Variants in GRAMD1A observed in about 807,000 individuals in gnomAD.
GRAMD1A encodes the protein protein Aster-A.
In GRAMD1A, 50 loss-of-function variants were observed where a neutral mutation model predicts 92.0. The observed-to-expected ratio is 0.54, with a 90% CI of 0.43 to 0.69. The LOEUF (loss-of-function observed/expected upper bound fraction) is 0.69. Among genes scored for constraint, GRAMD1A ranks in the 30% least tolerant of loss-of-function variants. GRAMD1A has a pLI of 0.00. For synonymous variants in GRAMD1A, 405 were observed against 403.6 expected (o/e 1.00, Z -0.04); for missense variants, 819 against 978.9 (o/e 0.84, Z 2.18).
intron 10 of GRAMD1A, 57 bp from the exon 11 acceptor site, chr19:35,015,767 C>T (rs1302844169): frequency 3.2e-6 from 5 of 1,559,254 alleles, no homozygotes; most frequent in South Asian, 2.4e-5. Context: ...AGGCGTGGCC[C>T]GCAGAGGGAG....
chr19:35,015,257 A>G (rs1266942337), intron 10 of GRAMD1A: 2 of 152,352 alleles, frequency 1.3e-5, no homozygotes, highest in East Asian at 1.9e-4. Flanking sequence ...TAGTATTTCT[A>G]TTATCATTAT....
chr19:35,010,433 T>C lies in GRAMD1A; in HGVS notation c.525+54T>C, dbSNP rs547543498. The C allele has an allele frequency of 3.9e-5, 45 of 1,160,312 alleles. No homozygotes were observed. In the East Asian group the frequency reaches 9.8e-4, roughly 25 times the overall value. The allele number at this position is 1,160,312 out of a possible 1,614,324, so 71.9% of individuals were successfully genotyped here. A position where few individuals can be genotyped will look rare whatever the true frequency, so the allele number is the denominator to read the frequency against. The stretch of plus-strand genomic sequence containing the variant: ...GCGGTCCCCCGCTCAGCAGGCCGCC[T>C]CCCCCAAACATGCAAAGCCCCATTT... On this transcript the variant is annotated intron_variant, in intron 6 of 19. Transcript: ENST00000317991.
upstream of GRAMD1A, chr19:35,000,187 C>T (rs1371578057): frequency 2.0e-6 from 2 of 1,013,592 alleles, no homozygotes; most frequent in Non-Finnish European, 2.4e-6. This position sits in a 1 kb window ranked among gnomAD's most constrained non-coding sequence, Gnocchi z 4.9. Context: ...CCTCTCTCCC[C>T]GGCTTCTCCC....
upstream of GRAMD1A, among the ~76,000 whole-genome samples, chr19:34,995,586 T>TG (rs2014003246): frequency 2.8e-5 from 4 of 144,134 alleles, no homozygotes; most frequent in African/African-American, 1.1e-4. Context: ...TTTTTTTTTT[T>TG]TTTTTTTTTT....
At chr19:34,998,781 TAGCATGAGAG>T (rs907230037), upstream of GRAMD1A, among the ~76,000 whole-genome samples, 2 of 132,610 alleles carry the variant, frequency 1.5e-5, no homozygotes. Flanking sequence ...AGGTGGGGGT[TAGCATGAGAG>T]GTAGGGCACG....
intron 6 of GRAMD1A, 111 bp downstream of exon 6, chr19:35,010,490 C>T: frequency 1.4e-6 from 1 of 737,232 alleles, no homozygotes; most frequent in South Asian, 1.6e-5. Flanking sequence ...CCGAGCTGTC[C>T]CCTTCTCTCT....
Position 35,015,811 on chromosome 19 carries a change from C to CAGA in GRAMD1A, c.1070-13_1070-12insAGA, listed in dbSNP as rs1199796546. The CAGA allele has an allele frequency of 6.2e-7, 1 of 1,612,328 alleles. No individual in the cohort carries two copies. Among genetic ancestry groups the CAGA allele is most frequent in the African/African-American group, 1.3e-5 (1 of 74,884 alleles). On this transcript the variant is annotated splice_polypyrimidine_tract_variant and intron_variant, in intron 10 of 19. Coordinates refer to ENST00000317991, the MANE Select transcript of GRAMD1A (RefSeq NM_020895.5). ...GGAGGCAGTCATCATCCTCGGCTCTCCTCTGTCTCCAGCGGACTTGGCTGC... is the reference window on the plus strand; with the variant it reads ...GGAGGCAGTCATCATCCTCGGCTCTCAGACTCTGTCTCCAGCGGACTTGGCTGC...
At chr19:34,996,115 G>A, upstream of GRAMD1A, 2 of 1,535,986 alleles carry the variant, frequency 1.3e-6, no homozygotes, top group South Asian at 2.4e-5. Flanking sequence ...GGCAGCGGAA[G>A]CAGCAGCCAC....
Position 35,021,129 on chromosome 19 carries a change from G to T in GRAMD1A, c.1476-373G>T, listed in dbSNP as rs925244227. On this transcript the variant is annotated intron_variant, in intron 13 of 19. Transcript: ENST00000317991. This position sits in a 1 kb window ranked among gnomAD's most constrained non-coding sequence, Gnocchi z 5.3. The stretch of plus-strand genomic sequence containing the variant: ...GGGGAAAGACCAGGAGGTCAGTTTG[G>T]GACTCAGCTGTCTATGTTGAGCTGA... 2.0e-5 allele frequency among the ~76,000 whole-genome samples: 3 copies of T among 152,200 alleles called. No homozygotes were observed. The highest frequency in any genetic ancestry group is 4.4e-5 in the Non-Finnish European group (3 of 68,046).
At chr19:35,009,517 C>A in intron 3 of GRAMD1A, 74 bp downstream of exon 3, 2 of 1,505,250 alleles carry the variant, frequency 1.3e-6, no homozygotes, top group Non-Finnish European at 1.8e-6. Flanking sequence ...CAGGCTGCAA[C>A]AGTCAAGGAG....
Position 35,026,424 on chromosome 19 carries a change from T to C in GRAMD1A, c.*283T>C. 1 of 448,412 alleles carries C rather than the reference T, an allele frequency of 2.2e-6. No individual in the cohort carries two copies. The highest frequency in any genetic ancestry group is 4.0e-6 in the Non-Finnish European group (1 of 249,582). 27.8% of individuals were successfully genotyped at this position (448,412 alleles called of 1,614,324 possible). ...TCCCTCAGCTCTGGGTTTAATGTAT[T>C]ATATTTATTTGGGGCCGACAGTGCC... On this transcript the variant is annotated 3_prime_UTR_variant, in exon 20 of 20. Coordinates refer to ENST00000317991, the MANE Select transcript of GRAMD1A (RefSeq NM_020895.5).
rs1236239566 is a variant in GRAMD1A at position 35,011,538 on chromosome 19, A to G, written c.590A>G (p.Asn197Ser). ...CTCCTCATCTTCCGCCTCTGGCAGA[A>G]TGCACTGCTTGAAAAGGTGGGCCTG... The part of the protein sequence containing the change: ...CFLLIFRLWQ[N>S]ALLEKTLSPR... The change falls in exon 7 of 20, where the codon AAT (asparagine) becomes AGT (serine). Residue 197 changes from asparagine (N) to serine (S), a missense_variant. This residue lies in a region of GRAMD1A where 144 missense variants were observed against 220.3 expected (regional missense o/e 0.65). Coordinates refer to ENST00000317991, the MANE Select transcript of GRAMD1A (RefSeq NM_020895.5). The G allele has an allele frequency of 5.6e-6, 9 of 1,610,782 alleles. No homozygotes were observed. The highest frequency in any genetic ancestry group is 7.6e-6 in the Non-Finnish European group (9 of 1,179,374).
At chr19:35,019,628 C>A in intron 13 of GRAMD1A, 95 bp downstream of exon 13, 2 of 1,234,560 alleles carry the variant, frequency 1.6e-6, no homozygotes, top group Non-Finnish European at 2.4e-6. Flanking sequence ...GGTTCCCACC[C>A]TGGTGGAGGA....
upstream of GRAMD1A, among the ~76,000 whole-genome samples, chr19:34,995,340 C>T (rs1384602465): frequency 1.3e-5 from 2 of 152,208 alleles, no homozygotes; most frequent in African/African-American, 4.8e-5. Context: ...CTATGTGGTT[C>T]GGTAAACCTC....
At chr19:34,996,547 C>G (rs759738987), upstream of GRAMD1A, among the ~76,000 whole-genome samples, 4 of 152,220 alleles carry the variant, frequency 2.6e-5, no homozygotes, top group Non-Finnish European at 2.9e-5. Context: ...TGGCTCACGC[C>G]TGTAATCCCA....
rs1222054835 is a variant in GRAMD1A, at chr19:35,000,349, G to C, written c.-130G>C. 8.3e-6 allele frequency: 9 copies of C among 1,084,778 alleles called. No homozygotes were observed. Among genetic ancestry groups the C allele is most frequent in the Non-Finnish European group, 8.9e-6 (8 of 895,702 alleles). 67.2% of individuals were successfully genotyped at this position (1,084,778 alleles called of 1,614,324 possible). A position where few individuals can be genotyped will look rare whatever the true frequency, so the allele number is the denominator to read the frequency against. ...TTTTGTGCGGGCGGTTGGGTCGGGT[G>C]GGGGCGGCGGCCGCGGAAGGCCAGG... On this transcript the variant is annotated 5_prime_UTR_variant, in exon 1 of 20. Transcript: ENST00000317991. The surrounding 1 kb of genome is among the most constrained non-coding windows in gnomAD (Gnocchi z 4.9).
At chr19:35,012,416 A>T (rs73597419) in intron 7 of GRAMD1A, among the ~76,000 whole-genome samples, 4,606 of 152,358 alleles carry the variant, frequency 0.03, 235 homozygotes, top group African/African-American at 0.11. Flanking sequence ...CTAGTTGACC[A>T]GGTGGCAAAT....
Position 35,013,127 on chromosome 19 carries a change from G to T in GRAMD1A, c.607-129G>T, listed in dbSNP as rs2015359533. The T allele has an allele frequency of 3.3e-6, 2 of 615,306 alleles. No homozygotes were observed. 38.1% of individuals were successfully genotyped at this position (615,306 alleles called of 1,614,324 possible). A position where few individuals can be genotyped will look rare whatever the true frequency, so the allele number is the denominator to read the frequency against. On this transcript the variant is annotated intron_variant, in intron 7 of 19. Coordinates refer to ENST00000317991, the MANE Select transcript of GRAMD1A (RefSeq NM_020895.5). This position sits in a 1 kb window ranked among gnomAD's most constrained non-coding sequence, Gnocchi z 4.9. The stretch of plus-strand genomic sequence containing the variant: ...CCCGCTTGCTGAGGCCAGGTCTGGT[G>T]CGGGAGATCGTGGCTGCCTCCTTGT...
In GRAMD1A at chr19:35,022,038, TGTGA is replaced by T; in HGVS notation, c.1841+3_1841+6del. The T allele has an allele frequency of 6.2e-7, 1 of 1,610,516 alleles. No homozygotes were observed. The highest frequency in any genetic ancestry group is 8.5e-7 in the Non-Finnish European group (1 of 1,177,096). On this transcript the variant is annotated splice_donor_variant and splice_donor_region_variant and intron_variant, in intron 16 of 19. Coordinates refer to ENST00000317991, the MANE Select transcript of GRAMD1A (RefSeq NM_020895.5). LOFTEE classifies it high-confidence loss of function. ...AGTGCCCTGGTTCTCATCAGCATTG[TGTGA>T]GTAAGAGACAGGAGCAGTGGCCACA...
Sources: gnomAD v4.1 joint callset for allele counts (sites outside exome capture counted in the v4.1 genomes callset) on GRCh38, gnomAD v4.1.1 for gene constraint, gnomAD v4.1.1 regional missense constraint, Gnocchi (gnomAD v3.1) non-coding constraint, MANE v1.5 for transcripts, NCBI Gene and HGNC (gene_info 2026-07-23, HGNC 2026-07-21) for gene names.